The following UGT1A10 variants were observed in gnomAD, a reference collection of about 807,000 sequenced individuals.
UGT1A10 encodes UDP glucuronosyltransferase family 1 member A10.
Under a neutral mutation model 45.8 loss-of-function variants are expected in UGT1A10, and 49 were observed. The ratio of observed to expected loss-of-function variants is 1.07; its 90% CI spans 0.85 to 1.36. UGT1A10 has a LOEUF of 1.36. UGT1A10 is among the 40% of genes most tolerant of loss of function. The pLI is 0.00. For missense variants in UGT1A10, 745 were observed against 668.6 expected, an observed-to-expected ratio of 1.11 and a Z score of -1.26; for synonymous variants, 284 against 249.7, an observed-to-expected ratio of 1.14 and a Z score of -1.29.
At chr2:233,703,885 A>AT (rs2075756699) in intron 1 of UGT1A10, among the ~76,000 whole-genome samples, 1 of 150,626 alleles carries the variant, frequency 6.6e-6, no homozygotes, top group Non-Finnish European at 1.5e-5. Context: ...GTCTACCATC[A>AT]TTTTTTTCTT....
intron 1 of UGT1A10, among the ~76,000 whole-genome samples, chr2:233,687,219 G>T (rs1271855173): frequency 6.6e-6 from 1 of 152,128 alleles, no homozygotes; most frequent in Non-Finnish European, 1.5e-5. Flanking sequence ...GCATTTTCCA[G>T]CACAATTATC....
At chr2:233,738,536 G>A (rs919833416) in intron 1 of UGT1A10, among the ~76,000 whole-genome samples, 2 of 152,222 alleles carry the variant, frequency 1.3e-5, no homozygotes, top group Non-Finnish European at 2.9e-5. Context: ...TGAAGTCCAG[G>A]CTGAGTCTCA....
intron 1 of UGT1A10, among the ~76,000 whole-genome samples, chr2:233,762,019 A>G (rs1021587184): frequency 2.6e-5 from 4 of 151,988 alleles, no homozygotes; most frequent in South Asian, 2.1e-4. Context: ...TGTGATTTGT[A>G]TTTTATTTTT....
intron 1 of UGT1A10, among the ~76,000 whole-genome samples, chr2:233,688,730 A>T (rs1008137516): frequency 1.3e-5 from 2 of 152,156 alleles, no homozygotes; most frequent in African/African-American, 4.8e-5. Context: ...AGAGTCTTTG[A>T]GTGACTGGGA....
intron 1 of UGT1A10, among the ~76,000 whole-genome samples, chr2:233,762,133 C>T (rs1697980653): frequency 6.6e-6 from 1 of 152,096 alleles, no homozygotes. Flanking sequence ...ATGTGGGGAC[C>T]TGTGTGACTT....
intron 1 of UGT1A10, among the ~76,000 whole-genome samples, chr2:233,716,088 T>C (rs2076485865): frequency 6.6e-6 from 1 of 152,258 alleles, no homozygotes; most frequent in Non-Finnish European, 1.5e-5. Flanking sequence ...TGTAAGCTCA[T>C]TCCTTTAACA....
At chr2:233,731,359 A>G (rs2078149638) in intron 1 of UGT1A10, among the ~76,000 whole-genome samples, 1 of 151,208 alleles carries the variant, frequency 6.6e-6, no homozygotes, top group Admixed American at 6.6e-5. Context: ...ATAGGTATAC[A>G]TGTGCCATGT....
intron 1 of UGT1A10, among the ~76,000 whole-genome samples, chr2:233,751,937 A>C (rs539080816): frequency 5.9e-5 from 9 of 152,318 alleles, no homozygotes; most frequent in African/African-American, 1.9e-4. Context: ...GATTGAAGTT[A>C]TACTGAAAGG....
At chr2:233,709,290 A>G (rs1187153561) in intron 1 of UGT1A10, among the ~76,000 whole-genome samples, 1 of 152,124 alleles carries the variant, frequency 6.6e-6, no homozygotes, top group African/African-American at 2.4e-5. Flanking sequence ...CCTTCAATTA[A>G]TGATATTTTC....
chr2:233,695,207 C>A (rs1327154624), intron 1 of UGT1A10, among the ~76,000 whole-genome samples: 2 of 151,466 alleles, frequency 1.3e-5, no homozygotes, highest in East Asian at 1.9e-4. Flanking sequence ...CCCACTGCAA[C>A]CTCCACCTCC....
At chr2:233,763,725 A>G (rs557422136) in intron 1 of UGT1A10, among the ~76,000 whole-genome samples, 3 of 152,232 alleles carry the variant, frequency 2.0e-5, no homozygotes, top group South Asian at 2.1e-4. Flanking sequence ...AGAAAGCACA[A>G]CCTGGCATTG....
intron 1 of UGT1A10, chr2:233,682,575 A>G (rs748487831): frequency 8.7e-6 from 14 of 1,613,882 alleles, no homozygotes; most frequent in Non-Finnish European, 1.1e-5. Context: ...CACATCATGC[A>G]CTTGGAGGAA....
At chr2:233,747,501 A>G in intron 1 of UGT1A10, 1 of 1,608,354 alleles carries the variant, frequency 6.2e-7, no homozygotes, top group East Asian at 2.2e-5. Context: ...GCTGGGCCAC[A>G]CTCAACTGTA....
At chr2:233,735,004 G>A (rs1486345884) in intron 1 of UGT1A10, among the ~76,000 whole-genome samples, 1 of 152,208 alleles carries the variant, frequency 6.6e-6, no homozygotes, top group Non-Finnish European at 1.5e-5. Flanking sequence ...ACTTAGGGTG[G>A]AGAGTTCTGT....
At chr2:233,746,151 A>C (rs1346587402) in intron 1 of UGT1A10, among the ~76,000 whole-genome samples, 1 of 151,886 alleles carries the variant, frequency 6.6e-6, no homozygotes, top group Non-Finnish European at 1.5e-5. Context: ...TGATAGCATG[A>C]TTCCAAAGCC....
intron 1 of UGT1A10, among the ~76,000 whole-genome samples, chr2:233,680,020 TCTC>T (rs1003758552): frequency 2.6e-5 from 4 of 152,186 alleles, no homozygotes; most frequent in Non-Finnish European, 5.9e-5. Flanking sequence ...TTTCTCTCTC[TCTC>T]TTTTTTCTTT....
chr2:233,702,191 C>T (rs1424495511), intron 1 of UGT1A10, among the ~76,000 whole-genome samples: 1 of 152,184 alleles, frequency 6.6e-6, no homozygotes. Flanking sequence ...TCCTCCAGCC[C>T]CTGGCAGCCA....
intron 1 of UGT1A10, among the ~76,000 whole-genome samples, chr2:233,720,765 G>A (rs924654147): frequency 1.3e-5 from 2 of 151,260 alleles, no homozygotes; most frequent in African/African-American, 4.9e-5. Context: ...GAGGGCAGTG[G>A]CCGGATCTCC....
Position 233,761,136 on chromosome 2 carries a change from A to G in UGT1A10, c.856-5898A>G, listed in dbSNP as rs142418984. On this transcript the variant is annotated intron_variant, in intron 1 of 4. Coordinates refer to ENST00000344644, the MANE Select transcript of UGT1A10 (RefSeq NM_019075.4). ...TTGGTGGAATCAACTGCCTTCACCA[A>G]AATCCACTATCCCAGGTGTGTATTG... 13 of 1,614,222 alleles carry G rather than the reference A, an allele frequency of 8.1e-6. No individual in the cohort carries two copies. The highest frequency in any genetic ancestry group is 1.1e-5 in the Non-Finnish European group (13 of 1,180,048).
Sources: gnomAD v4.1 joint callset for allele counts (sites outside exome capture counted in the v4.1 genomes callset) on GRCh38, gnomAD v4.1.1 for gene constraint, MANE v1.5 for transcripts, NCBI Gene and HGNC (gene_info 2026-07-23, HGNC 2026-07-21) for gene names.